ATP11C: variants seen among roughly 807,000 people sequenced by gnomAD.
The protein encoded by ATP11C is ATPase phospholipid transporting 11C (ATP11C blood group).
Under a neutral mutation model 97.4 loss-of-function variants are expected in ATP11C, and 36 were observed. That is an observed-to-expected ratio of 0.37 (90% CI 0.28 to 0.49). The LOEUF is 0.49. Among genes scored for constraint, ATP11C ranks in the 20% least tolerant of loss-of-function variants. The pLI is 0.98. For synonymous variants in ATP11C, 275 were observed against 290.9 expected, an observed-to-expected ratio of 0.95 and a Z score of 0.56; for missense variants, 730 against 824.6, an observed-to-expected ratio of 0.89 and a Z score of 1.40.
At chrX:139,792,328 A>G (rs2082707128) in intron 12 of ATP11C, among the ~76,000 whole-genome samples, 1 of 111,203 alleles carries the variant, frequency 9.0e-6, no homozygotes. Context: ...CCATCTCTTC[A>G]TCTGTATCCT....
intron 14 of ATP11C, among the ~76,000 whole-genome samples, 156 bp downstream of exon 14, chrX:139,788,036 A>G (rs1473175042): frequency 6.2e-5 from 7 of 112,258 alleles, no homozygotes; most frequent in African/African-American, 2.3e-4. Context: ...AGGTGTGGGA[A>G]TTTTCCACAA....
At chrX:139,859,029 A>AT (rs886084877) in intron 1 of ATP11C, among the ~76,000 whole-genome samples, 7 of 112,136 alleles carry the variant, frequency 6.2e-5, no homozygotes, top group South Asian at 3.7e-4. Context: ...AGATAATTAC[A>AT]TTTTTTTTAA....
Position 139,763,302 on chromosome X carries a change from T to C in ATP11C, c.2494+14A>G. 8.6e-7 allele frequency: 1 copy of C among 1,157,479 alleles called. No individual in the cohort carries two copies. The highest frequency in any genetic ancestry group is 1.2e-6 in the Non-Finnish European group (1 of 846,354). On this transcript the variant is annotated intron_variant, in intron 21 of 29. Coordinates refer to ENST00000682941, the MANE Select transcript of ATP11C (RefSeq NM_001353812.2). ...ATACTTTTCACAGCTGCCATCTCAT[T>C]AGATGTATCTTACCTATTCCCACAT... is the stretch of plus-strand genomic sequence containing the variant.
At chrX:139,806,050 C>T (rs1378567467) in intron 5 of ATP11C, among the ~76,000 whole-genome samples, 6 of 111,683 alleles carry the variant, frequency 5.4e-5, no homozygotes, top group Non-Finnish European at 1.1e-4. Flanking sequence ...CATTAGAGGT[C>T]GGAAGATGAC....
At chrX:139,796,060 A>G (rs2082787044) in intron 12 of ATP11C, among the ~76,000 whole-genome samples, 1 of 112,070 alleles carries the variant, frequency 8.9e-6, no homozygotes, top group Non-Finnish European at 1.9e-5. Context: ...CAAATTTAAT[A>G]CATAAATTGT....
intron 1 of ATP11C, among the ~76,000 whole-genome samples, chrX:139,880,901 G>C (rs925117781): frequency 8.9e-6 from 1 of 111,958 alleles, no homozygotes; most frequent in Non-Finnish European, 1.9e-5. Flanking sequence ...ATAACAAACT[G>C]TCCTCACTTG....
intron 1 of ATP11C, among the ~76,000 whole-genome samples, chrX:139,930,106 A>G (rs2085409426): frequency 9.0e-6 from 1 of 111,456 alleles, no homozygotes; most frequent in South Asian, 3.7e-4. Context: ...AGCTGCAACA[A>G]TAAGGTCAAA....
intron 1 of ATP11C, among the ~76,000 whole-genome samples, chrX:139,902,793 T>C (rs2084918102): frequency 8.9e-6 from 1 of 111,859 alleles, no homozygotes; most frequent in Non-Finnish European, 1.9e-5. Context: ...CTTGTACTGC[T>C]GCCTGCTATC....
chrX:139,893,759 G>A (rs2084766153), intron 1 of ATP11C, among the ~76,000 whole-genome samples: 1 of 109,299 alleles, frequency 9.1e-6, no homozygotes, highest in East Asian at 2.9e-4. Context: ...AAAAAAAATT[G>A]CACAACAAAC....
intron 12 of ATP11C, among the ~76,000 whole-genome samples, chrX:139,791,341 C>A (rs1269714512): frequency 9.0e-6 from 1 of 111,647 alleles, no homozygotes; most frequent in Non-Finnish European, 1.9e-5. Context: ...TCATCTCCTG[C>A]ACTTGGATGA....
chrX:139,755,667 G>T (rs1357251312), intron 23 of ATP11C, among the ~76,000 whole-genome samples: 1 of 111,025 alleles, frequency 9.0e-6, no homozygotes, highest in African/African-American at 3.3e-5. Context: ...CCGGAAAAAA[G>T]GCCACATATC....
intron 1 of ATP11C, among the ~76,000 whole-genome samples, chrX:139,845,765 G>A (rs1286993282): frequency 8.9e-6 from 1 of 111,993 alleles, no homozygotes; most frequent in Non-Finnish European, 1.9e-5. Context: ...AAGAACTCTC[G>A]CTAATTTTCT....
chrX:139,853,054 G>A (rs1028015728), intron 1 of ATP11C, among the ~76,000 whole-genome samples: 1 of 111,439 alleles, frequency 9.0e-6, no homozygotes, highest in Non-Finnish European at 1.9e-5. Flanking sequence ...CCCTGGTGTT[G>A]AGGGGTTGAG....
At chrX:139,805,212 C>T (rs1018072842) in intron 5 of ATP11C, among the ~76,000 whole-genome samples, 23 of 111,379 alleles carry the variant, frequency 2.1e-4, no homozygotes, top group African/African-American at 7.2e-4. Context: ...TTCTTATCAG[C>T]AAGTACCCAA....
At chrX:139,897,120 G>C (rs913542693) in intron 1 of ATP11C, among the ~76,000 whole-genome samples, 1 of 108,772 alleles carries the variant, frequency 9.2e-6, no homozygotes, top group Admixed American at 1.0e-4. Context: ...CCAGCTACTC[G>C]GGAGGCTGAG....
chrX:139,876,783 G>C (rs1187340425), intron 1 of ATP11C, among the ~76,000 whole-genome samples: 1 of 112,140 alleles, frequency 8.9e-6, no homozygotes, highest in Non-Finnish European at 1.9e-5. Context: ...GAAAATGTTA[G>C]CTGCTGCAGC....
At chrX:139,769,090 T>A (rs1278458246) in intron 19 of ATP11C, among the ~76,000 whole-genome samples, 2 of 106,500 alleles carry the variant, frequency 1.9e-5, no homozygotes, top group African/African-American at 3.4e-5. Flanking sequence ...CTGGTTGAAC[T>A]TTGACTAATA....
chrX:139,895,002 G>A (rs2084784030), intron 1 of ATP11C, among the ~76,000 whole-genome samples: 1 of 111,783 alleles, frequency 8.9e-6, no homozygotes, highest in Non-Finnish European at 1.9e-5. Flanking sequence ...GTTGCAGTGA[G>A]CCGAGATCAT....
rs192312820 is a variant in ATP11C at position 139,741,156 on chromosome X, T to C, written c.3031-62A>G. ...ACGAATTGCACCAGGCAATACGCTA[T>C]AGTATCTGATAACTAGTACACAATG... On this transcript the variant is annotated intron_variant, in intron 26 of 29. Transcript: ENST00000682941. The C allele has an allele frequency of 9.9e-5, 67 of 674,677 alleles. No homozygotes were observed. In the East Asian group the frequency reaches 1.3e-3, roughly 13 times the overall value. 55.6% of individuals were successfully genotyped at this position (674,677 alleles called of 1,213,427 possible). A position where few individuals can be genotyped will look rare whatever the true frequency, so the allele number is the denominator to read the frequency against.
Sources: gnomAD v4.1 joint callset for allele counts (sites outside exome capture counted in the v4.1 genomes callset) on GRCh38, gnomAD v4.1.1 for gene constraint, MANE v1.5 for transcripts, NCBI Gene and HGNC (gene_info 2026-07-23, HGNC 2026-07-21) for gene names.